Variants in SLC25A26 observed in about 807,000 individuals in gnomAD.
SLC25A26 encodes the protein solute carrier family 25 member 26, also known as mitochondrial S-adenosylmethionine carrier protein.
A neutral mutation model predicts 37.8 loss-of-function variants in SLC25A26; 36 were observed. That is an observed-to-expected ratio of 0.95 (90% CI 0.73 to 1.26). The LOEUF (loss-of-function observed/expected upper bound fraction) is 1.26, where lower values mean the gene tolerates loss of function less well. Among genes scored for constraint, SLC25A26 ranks in the 50% most tolerant of loss-of-function variants. SLC25A26 has a pLI of 0.00. For missense variants in SLC25A26, 390 were observed against 331.1 expected, an observed-to-expected ratio of 1.18 and a Z score of -1.38; for synonymous variants, 129 against 122.5, an observed-to-expected ratio of 1.05 and a Z score of -0.35.
chr3:66,228,214 C>T (rs1249893847), intron 1 of SLC25A26, among the ~76,000 whole-genome samples: 1 of 152,244 alleles, frequency 6.6e-6, no homozygotes, highest in Admixed American at 6.5e-5. Flanking sequence ...AGGACCACAA[C>T]TGATAACCAC....
At chr3:66,157,680 C>G (rs1432246780) in intron 1 of SLC25A26, among the ~76,000 whole-genome samples, 16 of 152,192 alleles carry the variant, frequency 1.1e-4, no homozygotes, top group Admixed American at 1.0e-3. Context: ...TACATAGAGG[C>G]TTCCAACAAA....
intron 7 of SLC25A26, among the ~76,000 whole-genome samples, chr3:66,367,855 T>G (rs537286995): frequency 6.6e-6 from 1 of 152,294 alleles, no homozygotes; most frequent in East Asian, 1.9e-4. Flanking sequence ...GACACAAAGC[T>G]TAGCAAGTCT....
intron 1 of SLC25A26, among the ~76,000 whole-genome samples, chr3:66,196,888 A>G (rs2071051540): frequency 6.6e-6 from 1 of 152,178 alleles, no homozygotes; most frequent in African/African-American, 2.4e-5. Flanking sequence ...AATAAGCATT[A>G]TCTTATATTA....
At chr3:66,334,561 C>T (rs1044519163) in intron 5 of SLC25A26, among the ~76,000 whole-genome samples, 8 of 152,150 alleles carry the variant, frequency 5.3e-5, no homozygotes, top group African/African-American at 1.4e-4. Context: ...ACTGATCCAC[C>T]GGCCTCAGCC....
chr3:66,285,218 A>G (rs893845203), intron 5 of SLC25A26, among the ~76,000 whole-genome samples: 4 of 151,914 alleles, frequency 2.6e-5, no homozygotes, highest in African/African-American at 9.7e-5. Context: ...AATGAGGTAT[A>G]TAAAAATACT....
chr3:66,226,787 A>T (rs1276514818), intron 1 of SLC25A26, among the ~76,000 whole-genome samples: 6 of 151,694 alleles, frequency 4.0e-5, no homozygotes, highest in African/African-American at 7.3e-5. Flanking sequence ...TTTTTAGAAA[A>T]TTTTTTTTGT....
chr3:66,209,997 C>T (rs1287204638), intron 1 of SLC25A26, among the ~76,000 whole-genome samples: 5 of 121,322 alleles, frequency 4.1e-5, no homozygotes, highest in Non-Finnish European at 8.3e-5. Flanking sequence ...TATAGCAATA[C>T]CAATCCCCTA....
intron 4 of SLC25A26, among the ~76,000 whole-genome samples, chr3:66,262,700 AAG>A (rs1350413563): frequency 2.0e-5 from 3 of 152,168 alleles, no homozygotes; most frequent in African/African-American, 7.2e-5. Context: ...GGAATTTTCA[AAG>A]AGTCTTGATT....
intron 5 of SLC25A26, among the ~76,000 whole-genome samples, chr3:66,339,817 T>C (rs1234385878): frequency 1.3e-5 from 2 of 152,096 alleles, no homozygotes; most frequent in Non-Finnish European, 2.9e-5. Context: ...GTTGTCTTTT[T>C]ATGCTGTTAA....
chr3:66,204,455 G>C (rs1449337418), intron 1 of SLC25A26, among the ~76,000 whole-genome samples: 2 of 133,858 alleles, frequency 1.5e-5, no homozygotes, highest in Non-Finnish European at 3.3e-5. Flanking sequence ...AAAGAAAAAA[G>C]AAAGAAAAAG....
chr3:66,232,730 T>TCCAGAACCTCCACC (rs1328369715), intron 1 of SLC25A26, among the ~76,000 whole-genome samples: 4 of 152,240 alleles, frequency 2.6e-5, no homozygotes, highest in African/African-American at 9.6e-5. Flanking sequence ...TTGGAGGGGC[T>TCCAGAACCTCCACC]CCAGAACCTC....
At chr3:66,216,749 A>T (rs1302328735), upstream of SLC25A26, among the ~76,000 whole-genome samples, 2 of 135,536 alleles carry the variant, frequency 1.5e-5, no homozygotes, top group Non-Finnish European at 3.2e-5. Context: ...TGATAGATTT[A>T]AGTGAGAAAG....
At chr3:66,209,450 T>C (rs900017040) in intron 1 of SLC25A26, among the ~76,000 whole-genome samples, 9 of 140,400 alleles carry the variant, frequency 6.4e-5, no homozygotes, top group South Asian at 2.3e-4. Flanking sequence ...AAGATATATA[T>C]ATAAAGGTGT....
chr3:66,149,364 G>A (rs1390700936), intron 1 of SLC25A26, among the ~76,000 whole-genome samples: 1 of 152,110 alleles, frequency 6.6e-6, no homozygotes, highest in Non-Finnish European at 1.5e-5. Context: ...ACACAGGTTA[G>A]GGATGACATA....
intron 1 of SLC25A26, among the ~76,000 whole-genome samples, chr3:66,212,508 G>C (rs1050659740): frequency 9.9e-4 from 151 of 152,216 alleles, no homozygotes; most frequent in African/African-American, 3.4e-3. Context: ...TATACATAGG[G>C]TTCAGTACTT....
At chr3:66,179,670 A>G (rs890895157) in intron 1 of SLC25A26, among the ~76,000 whole-genome samples, 4 of 152,142 alleles carry the variant, frequency 2.6e-5, no homozygotes, top group Non-Finnish European at 5.9e-5. Flanking sequence ...ATAGAACTAT[A>G]ACATATACGC....
At chr3:66,186,854 A>T (rs2070838215) in intron 1 of SLC25A26, among the ~76,000 whole-genome samples, 1 of 151,910 alleles carries the variant, frequency 6.6e-6, no homozygotes, top group Non-Finnish European at 1.5e-5. Context: ...AGACTCTGAT[A>T]TTCACTCTAA....
At chr3:66,150,615 T>TG (rs1376890296) in intron 1 of SLC25A26, among the ~76,000 whole-genome samples, 1 of 38,698 alleles carries the variant, frequency 2.6e-5, no homozygotes, top group Non-Finnish European at 5.0e-5. Flanking sequence ...TATATATATA[T>TG]ATATATATAT....
chr3:66,147,638 CT>C (rs2070139643), intron 1 of SLC25A26, among the ~76,000 whole-genome samples: 1 of 152,142 alleles, frequency 6.6e-6, no homozygotes, highest in Non-Finnish European at 1.5e-5. Context: ...GATAGATCTA[CT>C]TTTAGTTCTT....
Sources: gnomAD v4.1 joint callset for allele counts (sites outside exome capture counted in the v4.1 genomes callset) on GRCh38, gnomAD v4.1.1 for gene constraint, MANE v1.5 for transcripts, NCBI Gene and HGNC (gene_info 2026-07-23, HGNC 2026-07-21) for gene names.